The following SIAE variants were observed in gnomAD, a reference collection of about 807,000 sequenced individuals.
SIAE encodes sialic acid acetylesterase.
In SIAE, 39 loss-of-function variants were observed where a neutral mutation model predicts 52.6. The ratio of observed to expected loss-of-function variants is 0.74; its 90% CI spans 0.57 to 0.97. SIAE has a LOEUF of 0.97. Among genes scored for constraint, SIAE ranks in the 50% least tolerant of loss-of-function variants. SIAE has a pLI of 0.00. For synonymous variants in SIAE, 233 were observed against 241.4 expected, an observed-to-expected ratio of 0.97 and a Z score of 0.32; for missense variants, 592 against 662.1, an observed-to-expected ratio of 0.89 and a Z score of 1.16.
chr11:124,639,284 G>A (rs753480878), intron 8 of SIAE, among the ~76,000 whole-genome samples: 25 of 152,190 alleles, frequency 1.6e-4, no homozygotes, highest in Non-Finnish European at 2.9e-4. Flanking sequence ...TGAGGCCAGA[G>A]GAATGCTGGA....
In SIAE at chr11:124,638,587, A is replaced by C. The variant is rs376335758; in HGVS notation, c.1275T>G (p.Tyr425Ter). 8 of 1,614,020 alleles carry C rather than the reference A, an allele frequency of 5.0e-6. No individual in the cohort carries two copies. Among genetic ancestry groups the C allele is most frequent in the Non-Finnish European group, 6.8e-6 (8 of 1,180,000 alleles). The part of the protein sequence containing the change: ...LAHKGLLNLT[Y>*]YQQIQVQKKD... ...TTTTCTGCACCTGGATTTGCTGGTA[A>C]TATGTGAGATTGAGCAGCCCCTTGT... Residue 425 changes from tyrosine to a stop codon, truncating the protein, a stop_gained, in exon 9 of 10, where the codon TAT (tyrosine) becomes TAG (stop). Coordinates refer to ENST00000263593, the MANE Select transcript of SIAE (RefSeq NM_170601.5). LOFTEE classifies it low-confidence loss of function (END_TRUNC).
intron 7 of SIAE, among the ~76,000 whole-genome samples, chr11:124,643,979 G>T (rs1419872434): frequency 1.3e-5 from 2 of 152,124 alleles, no homozygotes; most frequent in Non-Finnish European, 2.9e-5. Flanking sequence ...TATGAATGTG[G>T]CCAAATGCAA....
chr11:124,672,481 T>A (rs531266481), intron 1 of SIAE, among the ~76,000 whole-genome samples: 10 of 152,298 alleles, frequency 6.6e-5, no homozygotes, highest in Admixed American at 1.3e-4. Context: ...GAGAATGACT[T>A]AAAGGAAAAA....
chr11:124,671,132 A>G (rs1162195238), intron 1 of SIAE, among the ~76,000 whole-genome samples: 2 of 152,204 alleles, frequency 1.3e-5, no homozygotes, highest in Non-Finnish European at 2.9e-5. Flanking sequence ...CTTAGTGAAC[A>G]TCTTTGTGGA....
chr11:124,638,492 C>G (rs576929615), intron 9 of SIAE, 50 bp downstream of exon 9: 2 of 1,593,050 alleles, frequency 1.3e-6, no homozygotes, highest in African/African-American at 2.7e-5. Context: ...CGGAGGAAAT[C>G]TTGACTCCAC....
intron 7 of SIAE, among the ~76,000 whole-genome samples, chr11:124,646,603 C>G (rs1461273115): frequency 6.6e-6 from 1 of 152,158 alleles, no homozygotes; most frequent in Non-Finnish European, 1.5e-5. Context: ...AATGGACATT[C>G]TCACAGACAG....
At chr11:124,647,152 T>C (rs1485817885) in intron 7 of SIAE, among the ~76,000 whole-genome samples, 2 of 152,214 alleles carry the variant, frequency 1.3e-5, no homozygotes, top group Non-Finnish European at 2.9e-5. Flanking sequence ...CTTATCAACT[T>C]TTTTTGAAGA....
chr11:124,664,745 T>G (rs970014953), intron 2 of SIAE, among the ~76,000 whole-genome samples: 1 of 152,334 alleles, frequency 6.6e-6, no homozygotes. Flanking sequence ...GCCATTCATA[T>G]CAGATGTTAA....
At chr11:124,640,565 A>G (rs1210619058) in intron 7 of SIAE, among the ~76,000 whole-genome samples, 1 of 152,170 alleles carries the variant, frequency 6.6e-6, no homozygotes, top group East Asian at 1.9e-4. Context: ...ATCTGTATAC[A>G]ACACAGGGCT....
rs758338728 is a variant in SIAE, at chr11:124,669,405, G to C, written c.184C>G (p.Arg62Gly). Residue 62 changes from arginine (R) to glycine (G), a missense_variant, in exon 2 of 10, where the codon CGC becomes GGC. By Grantham distance (125) the Arg-to-Gly change is moderately radical (BLOSUM62 -2). Transcript: ENST00000263593. ...TTCATGATGGTTTCCTGACCTTGGC[G>C]CAGGGTCACGGTCACTGTGGCTCCA... is the stretch of plus-strand genomic sequence containing the variant. ...TPGATVTVTL[R>G]QGQETIMKKV... is the part of the protein sequence containing the mutation. 6.2e-7 allele frequency: 1 copy of C among 1,614,032 alleles called. No individual in the cohort carries two copies.
At chr11:124,664,995 AC>A (rs1305664379) in intron 2 of SIAE, among the ~76,000 whole-genome samples, 1 of 151,982 alleles carries the variant, frequency 6.6e-6, no homozygotes, top group Non-Finnish European at 1.5e-5. Flanking sequence ...CCCTCACCAA[AC>A]TACATTTATT....
upstream of SIAE, chr11:124,673,819 C>A: frequency 7.8e-7 from 1 of 1,286,186 alleles, no homozygotes; most frequent in Non-Finnish European, 1.1e-6. Context: ...TCGCAGCCTC[C>A]CGCGACCTCA....
At position 124,636,355 on chromosome 11, in the gene SIAE, GAGAA is replaced by G. The variant is rs1352093140; in HGVS notation, c.*592_*595del. 1.9e-5 allele frequency: 3 copies of G among 157,036 alleles called. No individual in the cohort carries two copies. Among genetic ancestry groups the G allele is most frequent in the Non-Finnish European group, 4.2e-5 (3 of 70,652 alleles). 9.7% of individuals were successfully genotyped at this position (157,036 alleles called of 1,614,324 possible). A position where few individuals can be genotyped will look rare whatever the true frequency, so the allele number is the denominator to read the frequency against. On this transcript the variant is annotated 3_prime_UTR_variant, in exon 10 of 10. Transcript: ENST00000263593. ...ATCTGATAGTAGTAAAGTTTCACGG[GAGAA>G]AGAAAGATTTCGGTTCCACATAAGG...
In SIAE at chr11:124,637,183, T is replaced by A. The variant is rs147161431; in HGVS notation, c.1340A>T (p.His447Leu). ...KIFEISCCSD[H>L]RCKWLPASMN... The stretch of plus-strand genomic sequence containing the variant: ...AGAAGCTGGAAGCCACTTGCATCGA[T>A]GGTCACTGCAACAGGAGATCTAATA... Residue 447 changes from histidine (H) to leucine (L), a missense_variant, in exon 10 of 10, where the codon CAT becomes CTT. Coordinates refer to ENST00000263593, the MANE Select transcript of SIAE (RefSeq NM_170601.5). 6.2e-7 allele frequency: 1 copy of A among 1,614,028 alleles called. No homozygotes were observed. The highest frequency in any genetic ancestry group is 1.3e-5 in the African/African-American group (1 of 74,910).
chr11:124,675,464 A>G (rs762223342), upstream of SIAE: 4 of 1,590,798 alleles, frequency 2.5e-6, no homozygotes, highest in East Asian at 8.9e-5. Flanking sequence ...GAAACTAAGC[A>G]TTTGTTTATG....
rs1309136764 is a variant in SIAE at position 124,638,582 on chromosome 11, T to A, written c.1280A>T (p.Gln427Leu). The A allele has an allele frequency of 6.2e-7, 1 of 1,614,054 alleles. No homozygotes were observed. Among genetic ancestry groups the A allele is most frequent in the African/African-American group, 1.3e-5 (1 of 74,934 alleles). The change falls in exon 9 of 10, where the codon CAG (glutamine) becomes CTG (leucine). Residue 427 changes from glutamine to leucine, a missense_variant. Physicochemically the swap from Gln to Leu is moderately radical, Grantham distance 113 (BLOSUM62 -2). Transcript: ENST00000263593. ...GTCCTTTTTCTGCACCTGGATTTGCTGGTAATATGTGAGATTGAGCAGCCC... is the reference window on the plus strand; with the variant it reads ...GTCCTTTTTCTGCACCTGGATTTGCAGGTAATATGTGAGATTGAGCAGCCC... ...HKGLLNLTYYQQIQVQKKDNK... is the reference protein window; with the variant it reads ...HKGLLNLTYYLQIQVQKKDNK...
chr11:124,649,603 G>T lies in SIAE; in HGVS notation c.722+16C>A. ...CCCTGGTAGGCTCTTTCTCAGACTG[G>T]AGAATGCTGTCTTACCCTTGTTTAG... On this transcript the variant is annotated intron_variant, in intron 5 of 9. Transcript: ENST00000263593. The T allele has an allele frequency of 6.2e-7, 1 of 1,613,520 alleles. No homozygotes were observed. Among genetic ancestry groups the T allele is most frequent in the Non-Finnish European group, 8.5e-7 (1 of 1,179,912 alleles).
At chr11:124,647,808 G>A (rs1262177380) in intron 6 of SIAE, among the ~76,000 whole-genome samples, 1 of 152,154 alleles carries the variant, frequency 6.6e-6, no homozygotes, top group East Asian at 1.9e-4. Flanking sequence ...ACAGCCCCCA[G>A]ACAATACATC....
intron 7 of SIAE, among the ~76,000 whole-genome samples, chr11:124,642,089 G>A (rs559855367): frequency 9.9e-5 from 15 of 151,978 alleles, no homozygotes; most frequent in African/African-American, 3.1e-4. Flanking sequence ...GTAGTAGAAC[G>A]GGATGATGAG....
Sources: gnomAD v4.1 joint callset for allele counts (sites outside exome capture counted in the v4.1 genomes callset) on GRCh38, gnomAD v4.1.1 for gene constraint, MANE v1.5 for transcripts, NCBI Gene and HGNC (gene_info 2026-07-23, HGNC 2026-07-21) for gene names.